The following R3HDM1 variants were observed in gnomAD, a reference collection of about 807,000 sequenced individuals.
R3HDM1 encodes the protein R3H domain containing 1.
A neutral mutation model predicts 141.1 loss-of-function variants in R3HDM1; 46 were observed. The observed-to-expected ratio is 0.33, with a 90% CI of 0.26 to 0.42. The LOEUF (loss-of-function observed/expected upper bound fraction) is 0.42. Among genes scored for constraint, R3HDM1 ranks in the 10% least tolerant of loss-of-function variants. R3HDM1 has a pLI of 1.00. For missense variants in R3HDM1, 1,184 were observed against 1,368.3 expected (o/e 0.87, Z 2.12); for synonymous variants, 435 against 472.9 (o/e 0.92, Z 1.04).
At chr2:135,531,994 T>C (rs542020751) in intron 1 of R3HDM1, among the ~76,000 whole-genome samples, 1 of 152,238 alleles carries the variant, frequency 6.6e-6, no homozygotes, top group African/African-American at 2.4e-5. Context: ...GGTTTCCGAG[T>C]CCCTGCCATG....
At chr2:135,708,323 C>G (rs1030219215) in intron 21 of R3HDM1, among the ~76,000 whole-genome samples, 3 of 152,098 alleles carry the variant, frequency 2.0e-5, no homozygotes, top group African/African-American at 7.2e-5. Context: ...ACACATTTGT[C>G]TTAGAGTTTC....
intron 17 of R3HDM1, chr2:135,650,712 A>G (rs1450143074): frequency 2.0e-5 from 20 of 982,374 alleles, no homozygotes; most frequent in Non-Finnish European, 2.2e-5. Flanking sequence ...CAGTTGGGGA[A>G]GAGAAAAACC....
intron 3 of R3HDM1, among the ~76,000 whole-genome samples, chr2:135,615,435 T>C (rs2060933682): frequency 6.6e-6 from 1 of 152,206 alleles, no homozygotes; most frequent in Admixed American, 6.5e-5. Context: ...TATCTGGCTC[T>C]GGTTCACAGG....
intron 1 of R3HDM1, among the ~76,000 whole-genome samples, chr2:135,572,920 AT>A (rs1704468203): frequency 6.6e-6 from 1 of 152,222 alleles, no homozygotes. Context: ...CATATATTGT[AT>A]GATACCATTT....
In R3HDM1 at chr2:135,641,833, T is replaced by G. The variant is rs760704112; in HGVS notation, c.1474+43T>G. On this transcript the variant is annotated intron_variant, in intron 15 of 26. Coordinates refer to ENST00000683871, the MANE Select transcript of R3HDM1 (RefSeq NM_001378107.1). ...GGTGTTTCAGGAATTATCTGAAAAT[T>G]TAAGGATACTTATTAAATGTATTTT... 2.7e-5 allele frequency: 41 copies of G among 1,516,334 alleles called. 1 individual carries two copies. The highest frequency in any genetic ancestry group is 2.2e-4 in the Admixed American group (10 of 45,790). The allele number at this position is 1,516,334 out of a possible 1,614,324, so 93.9% of individuals were successfully genotyped here.
intron 7 of R3HDM1, among the ~76,000 whole-genome samples, chr2:135,627,223 A>T (rs1156998002): frequency 6.6e-6 from 1 of 152,126 alleles, no homozygotes; most frequent in South Asian, 2.1e-4. Flanking sequence ...AAGTATGGCA[A>T]ATTCCCCCTG....
At chr2:135,552,961 C>G (rs1287834764) in intron 1 of R3HDM1, among the ~76,000 whole-genome samples, 6 of 152,070 alleles carry the variant, frequency 3.9e-5, no homozygotes, top group Non-Finnish European at 8.8e-5. Context: ...TCACTGCAGC[C>G]TCACCCTCTT....
chr2:135,709,450 T>C lies in R3HDM1; in HGVS notation c.2477T>C (p.Leu826Pro). 1 of 1,614,150 alleles carries C rather than the reference T, an allele frequency of 6.2e-7. No homozygotes were observed. Among genetic ancestry groups the C allele is most frequent in the Non-Finnish European group, 8.5e-7 (1 of 1,180,000 alleles). Reference protein sequence around the residue: ...QNNLSSSVGYLQHPGSEQVQF... With the variant: ...QNNLSSSVGYPQHPGSEQVQF... Reference sequence around the variant, plus strand: ...TTCCATAGCTCTTCAGTAGGTTACCTGCAACATCCAGGATCAGAACAAGTA... The same window carrying C: ...TTCCATAGCTCTTCAGTAGGTTACCCGCAACATCCAGGATCAGAACAAGTA... Residue 826 changes from leucine to proline, a missense_variant, in exon 22 of 27, where the codon CTG (leucine) becomes CCG (proline). Leu to Pro is a moderately conservative substitution (Grantham distance 98, BLOSUM62 -3). Around this residue, in one of 5 missense-constraint regions of R3HDM1, gnomAD observed 563 missense variants for 562.0 expected, o/e 1.00. Transcript: ENST00000683871.
rs1180527112 is a variant in R3HDM1, at chr2:135,669,269, T to C, written c.2153-6063T>C. On this transcript the variant is annotated intron_variant, in intron 19 of 26. Transcript: ENST00000683871. ...GAGAGGACATTGTGGGCTAATCATA[T>C]GCTTATTTACACCTGCTCTTTTTTA... 1.2e-5 allele frequency: 12 copies of C among 985,322 alleles called. No homozygotes were observed. The South Asian group carries it at 5.6e-4, about 46-fold the overall frequency. The allele number at this position is 985,322 out of a possible 1,614,324, so 61.0% of individuals were successfully genotyped here. A position where few individuals can be genotyped will look rare whatever the true frequency, so the allele number is the denominator to read the frequency against.
Position 135,566,397 on chromosome 2 carries a change from G to A in R3HDM1, c.-250+34764G>A, listed in dbSNP as rs111296333. ...CTTTATGTGAAAAGGGATAAGTTAG[G>A]GAGTAAGAGTGATACTGCCCAGAGA... On this transcript the variant is annotated intron_variant, in intron 1 of 26. Transcript: ENST00000683871. 4.1e-4 allele frequency among the ~76,000 whole-genome samples: 62 copies of A among 152,218 alleles called. 1 individual carries two copies. The highest frequency in any genetic ancestry group is 1.4e-3 in the African/African-American group (57 of 41,520).
rs1318120849 is a variant in R3HDM1 at position 135,706,965 on chromosome 2, C to T, written c.2460-2468C>T. On this transcript the variant is annotated intron_variant, in intron 21 of 26. Coordinates refer to ENST00000683871, the MANE Select transcript of R3HDM1 (RefSeq NM_001378107.1). ...CCCAGTAGGGGCGGCCGGGCAGAGG[C>T]GCCCCTCACCTCCCGGACGGGGCGG... 3.3e-5 allele frequency among the ~76,000 whole-genome samples: 5 copies of T among 152,084 alleles called. No individual in the cohort carries two copies. In the East Asian group the frequency reaches 5.8e-4, roughly 18 times the overall value.
At chr2:135,722,688 G>T (rs369973406) in intron 26 of R3HDM1, 135 bp downstream of exon 26, 1 of 796,432 alleles carries the variant, frequency 1.3e-6, no homozygotes, top group Non-Finnish European at 2.0e-6. Context: ...TCTGATTTAG[G>T]GTTCTTGGAT....
rs947748166 is a variant in R3HDM1 at position 135,710,108 on chromosome 2, T to C, written c.2613T>C (p.Ser871=). 1 of 1,614,144 alleles carries C rather than the reference T, an allele frequency of 6.2e-7. No homozygotes were observed. The highest frequency in any genetic ancestry group is 8.5e-7 in the Non-Finnish European group (1 of 1,180,014). The change falls in exon 23 of 27, where the codon AGT becomes AGC. Residue 871 remains serine (S), a synonymous_variant. Transcript: ENST00000683871. The part of the protein sequence containing the change: ...PGGGMVMMQL[S]VPNNPQSCAH... Reference sequence around the variant, plus strand: ...GGGGGATGGTGATGATGCAGCTCAGTGTACCAAACAATCCACAATCTTGTG... The same window carrying C: ...GGGGGATGGTGATGATGCAGCTCAGCGTACCAAACAATCCACAATCTTGTG...
chr2:135,622,827 T>C, intron 7 of R3HDM1, 95 bp downstream of exon 7: 1 of 1,370,646 alleles, frequency 7.3e-7, no homozygotes, highest in Non-Finnish European at 9.5e-7. Flanking sequence ...TAGAATAAGA[T>C]TGCAGATATT....
chr2:135,629,937 A>G (rs182751065), intron 7 of R3HDM1, among the ~76,000 whole-genome samples: 54 of 152,248 alleles, frequency 3.5e-4, no homozygotes, highest in African/African-American at 1.2e-3. Context: ...CTGCTGTAGT[A>G]GTCAAGCCAG....
intron 3 of R3HDM1, among the ~76,000 whole-genome samples, chr2:135,609,537 T>C (rs2060351884): frequency 6.6e-6 from 1 of 152,212 alleles, no homozygotes; most frequent in Non-Finnish European, 1.5e-5. Flanking sequence ...TTTCGGACTT[T>C]ATATTTTTAT....
intron 19 of R3HDM1, among the ~76,000 whole-genome samples, chr2:135,664,354 G>GT (rs372910003): frequency 5.3e-5 from 8 of 150,802 alleles, no homozygotes; most frequent in Admixed American, 1.3e-4. Flanking sequence ...CAAGAAGCAT[G>GT]TTTTTTTTTA....
chr2:135,559,298 G>T (rs1373324367), intron 1 of R3HDM1: 2 of 152,876 alleles, frequency 1.3e-5, no homozygotes, highest in South Asian at 2.1e-4. Context: ...CATTTTTTTT[G>T]TAGAAATAGG....
At chr2:135,566,727 A>G (rs1702862381) in intron 1 of R3HDM1, 1 of 985,242 alleles carries the variant, frequency 1.0e-6, no homozygotes, top group Non-Finnish European at 1.2e-6. Flanking sequence ...AGTCGTTTGG[A>G]TGGTTCTAGG....
Sources: allele counts gnomAD v4.1 joint callset (sites outside exome capture counted in the v4.1 genomes callset), GRCh38; gene constraint gnomAD v4.1.1; regional missense constraint gnomAD v4.1.1; transcripts MANE v1.5; gene names NCBI Gene and HGNC (gene_info 2026-07-23, HGNC 2026-07-21).